GAD2: variants seen among roughly 807,000 people sequenced by gnomAD.
The protein encoded by GAD2 is glutamate decarboxylase 2.
Under a neutral mutation model 80.1 loss-of-function variants are expected in GAD2, and 22 were observed. That is an observed-to-expected ratio of 0.27 (90% CI 0.20 to 0.39). The LOEUF (loss-of-function observed/expected upper bound fraction) is 0.39. Ranked by LOEUF, GAD2 falls within the 10% of genes least tolerant of loss-of-function variation. The pLI is 1.00. For synonymous variants in GAD2, 274 were observed against 256.9 expected, an observed-to-expected ratio of 1.07 and a Z score of -0.64; for missense variants, 624 against 738.4, an observed-to-expected ratio of 0.85 and a Z score of 1.80.
Position 26,269,099 on chromosome 10 carries a change from A to T in GAD2, c.921-20A>T, listed in dbSNP as rs8190708. On this transcript the variant is annotated intron_variant, in intron 8 of 15. Coordinates refer to ENST00000376261, the MANE Select transcript of GAD2 (RefSeq NM_001134366.2). The stretch of plus-strand genomic sequence containing the variant: ...GAAGCAAATTATTCAAAGCAAATCT[A>T]TATTTCTTTTTCCTTCCAGAGGGAA... The T allele has an allele frequency of 6.3e-7, 1 of 1,578,434 alleles. No homozygotes were observed. Among genetic ancestry groups the T allele is most frequent in the Non-Finnish European group, 8.6e-7 (1 of 1,158,436 alleles).
At chr10:26,275,393 C>G (rs886086677) in intron 11 of GAD2, among the ~76,000 whole-genome samples, 5 of 152,206 alleles carry the variant, frequency 3.3e-5, no homozygotes, top group African/African-American at 1.2e-4. Context: ...TAAACACCCA[C>G]ACGATTCTGT....
rs2132327021 is a variant in GAD2 at position 26,302,099 on chromosome 10, T to A, written c.*1138T>A. The A allele has an allele frequency of 6.6e-6, 1 of 152,220 alleles. No individual in the cohort carries two copies. Among genetic ancestry groups the A allele is most frequent in the South Asian group, 2.1e-4 (1 of 4,808 alleles). 9.4% of individuals were successfully genotyped at this position (152,220 alleles called of 1,614,324 possible). ...AGAAGAGATCTCTGTGGGACAATAATGACATCATCCTGGCGCCATATTGCC... is the reference window on the plus strand; with the variant it reads ...AGAAGAGATCTCTGTGGGACAATAAAGACATCATCCTGGCGCCATATTGCC... On this transcript the variant is annotated 3_prime_UTR_variant, in exon 16 of 16. Transcript: ENST00000376261.
chr10:26,297,792 G>A lies in GAD2; in HGVS notation c.1585-2996G>A, dbSNP rs375892241. 1.8e-4 allele frequency among the ~76,000 whole-genome samples: 27 copies of A among 152,278 alleles called. No homozygotes were observed. In the East Asian group the frequency reaches 5.2e-3, roughly 29 times the overall value. ...CTTCCAAGAGAGGAAGGGCAGGTTG[G>A]GTTTTATGCCTCACAGGGCCTGTAT... On this transcript the variant is annotated intron_variant, in intron 15 of 15. Transcript: ENST00000376261.
At chr10:26,289,186 C>G (rs550238908) in intron 13 of GAD2, among the ~76,000 whole-genome samples, 1 of 152,252 alleles carries the variant, frequency 6.6e-6, no homozygotes, top group South Asian at 2.1e-4. Flanking sequence ...AGCTCTCTCT[C>G]TAGCCACACT....
chr10:26,237,015 G>A (rs1297472135), intron 7 of GAD2, among the ~76,000 whole-genome samples: 2 of 152,204 alleles, frequency 1.3e-5, no homozygotes, highest in Non-Finnish European at 2.9e-5. Flanking sequence ...AAAGCTGTGA[G>A]GTGCTGAGAC....
Position 26,246,006 on chromosome 10 carries a change from C to T in GAD2, c.920+6C>T. The T allele has an allele frequency of 6.2e-7, 1 of 1,612,626 alleles. No homozygotes were observed. Among genetic ancestry groups the T allele is most frequent in the South Asian group, 1.1e-5 (1 of 90,960 alleles). ...CTGATTAAATGTGATGAGAGGTGAG[C>T]ACGCATCGGCAACTCTTGTTGGTTA... On this transcript the variant is annotated splice_donor_region_variant and intron_variant, in intron 8 of 15. Transcript: ENST00000376261.
At chr10:26,264,208 A>G (rs903064015) in intron 8 of GAD2, among the ~76,000 whole-genome samples, 5 of 151,996 alleles carry the variant, frequency 3.3e-5, no homozygotes, top group Non-Finnish European at 1.5e-5. Flanking sequence ...GACAAATACT[A>G]TTATCTTATA....
chr10:26,219,280 T>A lies in GAD2; in HGVS notation c.520+4T>A, dbSNP rs17847113. ...CTAAAATATGCAATTAAAACAGGTA[T>A]TGTCTCATCGAAAATAATAAAGCTC... On this transcript the variant is annotated splice_donor_region_variant and intron_variant, in intron 4 of 15. Transcript: ENST00000376261. The A allele has an allele frequency of 6.0e-6, 9 of 1,503,910 alleles. No individual in the cohort carries two copies. In the East Asian group the frequency reaches 2.1e-4, roughly 35 times the overall value. The allele number at this position is 1,503,910 out of a possible 1,614,324, so 93.2% of individuals were successfully genotyped here. A position where few individuals can be genotyped will look rare whatever the true frequency, so the allele number is the denominator to read the frequency against.
intron 6 of GAD2, among the ~76,000 whole-genome samples, chr10:26,226,758 T>C (rs1451920282): frequency 6.6e-6 from 1 of 152,188 alleles, no homozygotes; most frequent in Non-Finnish European, 1.5e-5. Flanking sequence ...CCATCAATAA[T>C]ATCCAAAGCC....
chr10:26,248,878 G>A (rs1179521806), intron 8 of GAD2, among the ~76,000 whole-genome samples: 1 of 152,160 alleles, frequency 6.6e-6, no homozygotes, highest in Non-Finnish European at 1.5e-5. Context: ...AGCTGGATAG[G>A]TCTGGAAACA....
At chr10:26,297,265 C>G (rs906613048) in intron 15 of GAD2, among the ~76,000 whole-genome samples, 1 of 152,202 alleles carries the variant, frequency 6.6e-6, no homozygotes, top group Admixed American at 6.5e-5. Flanking sequence ...TCTGCTTTTA[C>G]ATTTTTCAGA....
chr10:26,246,678 T>G (rs1370163914), intron 8 of GAD2, among the ~76,000 whole-genome samples: 1 of 152,204 alleles, frequency 6.6e-6, no homozygotes, highest in African/African-American at 2.4e-5. Context: ...TATTTATTAG[T>G]CAGATGTGTA....
At chr10:26,276,370 A>G (rs1393680149) in intron 11 of GAD2, among the ~76,000 whole-genome samples, 1 of 151,736 alleles carries the variant, frequency 6.6e-6, no homozygotes, top group Admixed American at 6.6e-5. Flanking sequence ...TTGTATTTTT[A>G]TTTATTTTTA....
At position 26,242,699 on chromosome 10, in the gene GAD2, A is replaced by G. The variant is rs550202530; in HGVS notation, c.841-3222A>G. Among the ~76,000 whole-genome samples, 3 of 152,158 alleles carry G rather than the reference A, an allele frequency of 2.0e-5. No homozygotes were observed. The East Asian group carries it at 5.8e-4, about 29-fold the overall frequency. ...TTTGTTCCCTGTCTTTAAGCTTTCT[A>G]TCTGGGCATGTGTTTTTCTTTAAAT... On this transcript the variant is annotated intron_variant, in intron 7 of 15. Coordinates refer to ENST00000376261, the MANE Select transcript of GAD2 (RefSeq NM_001134366.2).
At chr10:26,274,196 A>T (rs1449291470) in intron 11 of GAD2, among the ~76,000 whole-genome samples, 1 of 152,238 alleles carries the variant, frequency 6.6e-6, no homozygotes, top group Non-Finnish European at 1.5e-5. Context: ...ACTTAAAGTG[A>T]AACATACTAG....
At chr10:26,294,955 T>C (rs913104550) in intron 15 of GAD2, among the ~76,000 whole-genome samples, 9 of 152,250 alleles carry the variant, frequency 5.9e-5, no homozygotes, top group African/African-American at 2.2e-4. Context: ...TTTTTGGCTT[T>C]CACTTCCTTA....
chr10:26,240,151 A>C (rs997821163), intron 7 of GAD2, among the ~76,000 whole-genome samples: 6 of 152,178 alleles, frequency 3.9e-5, no homozygotes, highest in African/African-American at 1.4e-4. Flanking sequence ...TTTGTCTCAG[A>C]GCTTTCTACC....
intron 8 of GAD2, among the ~76,000 whole-genome samples, chr10:26,252,094 T>C (rs767431222): frequency 6.6e-6 from 1 of 152,212 alleles, no homozygotes; most frequent in African/African-American, 2.4e-5. Context: ...TAATGCGCTT[T>C]GTAAAGTTCA....
Position 26,217,959 on chromosome 10 carries a change from T to G in GAD2, c.254T>G (p.Val85Gly), listed in dbSNP as rs1844401082. Residue 85 changes from valine to glycine, a missense_variant, in exon 3 of 16, where the codon GTG becomes GGG. By Grantham distance (109) the Val-to-Gly change is moderately radical. Transcript: ENST00000376261. This position sits in a 1 kb window ranked among gnomAD's most constrained non-coding sequence, Gnocchi z 4.9. ...CDQKPCSCSK[V>G]DVNYAFLHAT... ...CAGAAGCCCTGCAGCTGCTCCAAAG[T>G]GGATGTCAACTACGCGTTTCTCCAT... 1 of 1,611,466 alleles carries G rather than the reference T, an allele frequency of 6.2e-7. No individual in the cohort carries two copies. The highest frequency in any genetic ancestry group is 8.5e-7 in the Non-Finnish European group (1 of 1,179,004).
Sources: gnomAD v4.1 joint callset for allele counts (sites outside exome capture counted in the v4.1 genomes callset) on GRCh38, gnomAD v4.1.1 for gene constraint, Gnocchi (gnomAD v3.1) non-coding constraint, MANE v1.5 for transcripts, NCBI Gene and HGNC (gene_info 2026-07-23, HGNC 2026-07-21) for gene names.